The following TLL1 variants were observed in gnomAD, a reference collection of about 807,000 sequenced individuals.
TLL1 encodes tolloid like 1.
TLL1 carries 49 observed loss-of-function variants against 128.2 expected under a neutral mutation model. The ratio of observed to expected loss-of-function variants is 0.38; its 90% CI spans 0.30 to 0.48. The LOEUF is 0.48. Ranked by LOEUF, TLL1 falls within the 20% of genes least tolerant of loss-of-function variation. The probability of loss-of-function intolerance (pLI) is 0.96; values close to 1 mark genes in which losing one functional copy is unlikely to be tolerated. For missense variants in TLL1, 1,123 were observed against 1,242.0 expected (o/e 0.90, Z 1.44); for synonymous variants, 454 against 418.8 (o/e 1.08, Z -1.03).
intron 1 of TLL1, among the ~76,000 whole-genome samples, chr4:165,956,524 A>G (rs1041248485): frequency 1.3e-5 from 2 of 149,544 alleles, no homozygotes; most frequent in African/African-American, 2.6e-5. Context: ...GCTCTCTGCA[A>G]GAAGAAAAGT....
chr4:166,056,328 G>T, intron 13 of TLL1, among the ~76,000 whole-genome samples: 1 of 151,712 alleles, frequency 6.6e-6, no homozygotes. Context: ...ACTCACATGA[G>T]GTTATTCCTG....
At chr4:165,986,669 T>G (rs1736405824) in intron 1 of TLL1, among the ~76,000 whole-genome samples, 1 of 152,050 alleles carries the variant, frequency 6.6e-6, no homozygotes, top group Admixed American at 6.6e-5. Context: ...TTTTTCTCCT[T>G]TAAGTATCAT....
chr4:165,899,268 T>C (rs927269455), intron 1 of TLL1, among the ~76,000 whole-genome samples: 45 of 152,170 alleles, frequency 3.0e-4, no homozygotes, highest in African/African-American at 9.9e-4. Context: ...TGCTAGCTTT[T>C]GAATTTGTTT....
intron 13 of TLL1, among the ~76,000 whole-genome samples, chr4:166,056,398 A>G (rs1456344169): frequency 1.3e-5 from 2 of 151,408 alleles, no homozygotes; most frequent in African/African-American, 4.8e-5. Context: ...TATATTGTAT[A>G]TATATACTTT....
chr4:165,902,140 C>T (rs1167341796), intron 1 of TLL1, among the ~76,000 whole-genome samples: 1 of 152,014 alleles, frequency 6.6e-6, no homozygotes, highest in Non-Finnish European at 1.5e-5. Context: ...GCTGTGCTGG[C>T]AGCAAGAATT....
At chr4:165,903,905 A>G (rs1354555143) in intron 1 of TLL1, among the ~76,000 whole-genome samples, 1 of 152,050 alleles carries the variant, frequency 6.6e-6, no homozygotes, top group Non-Finnish European at 1.5e-5. Context: ...TACATAAAAT[A>G]TATAGGGTTT....
chr4:166,096,684 TGC>T (rs1186764984), intron 19 of TLL1, among the ~76,000 whole-genome samples: 7 of 152,128 alleles, frequency 4.6e-5, no homozygotes, highest in African/African-American at 1.7e-4. Context: ...AATAAAGTAA[TGC>T]AAGTGCTGAA....
rs1020888465 is a variant in TLL1, at chr4:166,022,358, G to A, written c.1043-2958G>A. ...TTTTTGTATTTTTAGTAGAGACGGG[G>A]TTTCACCTGTTGGCCAGGCTGGTCT... On this transcript the variant is annotated intron_variant, in intron 8 of 20. Transcript: ENST00000061240. Among the ~76,000 whole-genome samples the A allele has an allele frequency of 7.2e-5, 11 of 151,968 alleles. 1 individual carries two copies. The highest frequency in any genetic ancestry group is 5.9e-4 in the Admixed American group (9 of 15,246).
At chr4:166,094,026 TTA>T (rs770531696) in intron 19 of TLL1, among the ~76,000 whole-genome samples, 11 of 152,280 alleles carry the variant, frequency 7.2e-5, no homozygotes, top group Non-Finnish European at 5.9e-5. Context: ...ATGGAATTTC[TTA>T]TGTCTTCCCT....
intron 6 of TLL1, among the ~76,000 whole-genome samples, chr4:166,005,674 A>G (rs532796416): frequency 1.1e-4 from 17 of 152,086 alleles, no homozygotes; most frequent in Non-Finnish European, 2.5e-4. Context: ...AAATCTGAAA[A>G]TTATTTCAAC....
chr4:165,946,499 ATTTTTTT>A (rs59178153), intron 1 of TLL1, among the ~76,000 whole-genome samples: 9 of 128,958 alleles, frequency 7.0e-5, no homozygotes, highest in Non-Finnish European at 1.5e-4. Flanking sequence ...TACCCAGCTA[ATTTTTTT>A]TTTTTTTTTT....
At chr4:165,976,070 G>A (rs954278053) in intron 1 of TLL1, among the ~76,000 whole-genome samples, 19 of 142,244 alleles carry the variant, frequency 1.3e-4, no homozygotes, top group South Asian at 4.6e-4. Flanking sequence ...ATTATAAGGC[G>A]AGGATTCCTG....
chr4:165,988,572 C>G (rs1736490868), intron 1 of TLL1, among the ~76,000 whole-genome samples: 1 of 151,958 alleles, frequency 6.6e-6, no homozygotes, highest in Non-Finnish European at 1.5e-5. Context: ...CAGGTTAAGT[C>G]TACAGTGAGC....
At chr4:165,908,113 T>C (rs1489462816) in intron 1 of TLL1, among the ~76,000 whole-genome samples, 12 of 152,240 alleles carry the variant, frequency 7.9e-5, no homozygotes, top group Admixed American at 7.9e-4. Context: ...ATTTCAAATA[T>C]GTAATTTGAT....
chr4:165,946,546 C>T (rs1346111675), intron 1 of TLL1, among the ~76,000 whole-genome samples: 1 of 146,506 alleles, frequency 6.8e-6, no homozygotes, highest in Non-Finnish European at 1.5e-5. Context: ...TCCCATATTG[C>T]CCAAGCTGGT....
chr4:165,951,043 A>G (rs763123995), intron 1 of TLL1, among the ~76,000 whole-genome samples: 6 of 152,132 alleles, frequency 3.9e-5, no homozygotes, highest in Non-Finnish European at 8.8e-5. Context: ...TAATGCACAA[A>G]TTACAAATAC....
intron 1 of TLL1, among the ~76,000 whole-genome samples, chr4:165,918,879 G>T (rs150189377): frequency 5.9e-5 from 9 of 152,230 alleles, no homozygotes; most frequent in African/African-American, 2.2e-4. Context: ...AGACCCTGGC[G>T]TAGCTCCAGT....
At chr4:165,937,853 A>ACC (rs11340655) in intron 1 of TLL1, among the ~76,000 whole-genome samples, 37 of 58,940 alleles carry the variant, frequency 6.3e-4, no homozygotes, top group South Asian at 2.6e-3. Flanking sequence ...TCCCTTCCCC[A>ACC]CCCCCCCCCC....
chr4:165,888,442 A>G (rs1181062692), intron 1 of TLL1, among the ~76,000 whole-genome samples: 1 of 152,000 alleles, frequency 6.6e-6, no homozygotes, highest in Non-Finnish European at 1.5e-5. Context: ...ACATCTCTGG[A>G]TGCAGTTTAT....
Sources: allele counts gnomAD v4.1 joint callset (sites outside exome capture counted in the v4.1 genomes callset), GRCh38; gene constraint gnomAD v4.1.1; transcripts MANE v1.5; gene names NCBI Gene and HGNC (gene_info 2026-07-23, HGNC 2026-07-21).